Variants in ARHGAP32 observed in about 807,000 individuals in gnomAD.
The protein encoded by ARHGAP32 is rho GTPase-activating protein 32.
A neutral mutation model predicts 186.5 loss-of-function variants in ARHGAP32; 51 were observed. The ratio of observed to expected loss-of-function variants is 0.27; its 90% CI spans 0.22 to 0.35. The LOEUF (loss-of-function observed/expected upper bound fraction) is 0.35, where lower values mean the gene tolerates loss of function less well. Ranked by LOEUF, ARHGAP32 falls within the 10% of genes least tolerant of loss-of-function variation. The probability of loss-of-function intolerance (pLI) is 1.00; values close to 1 mark genes in which losing one functional copy is unlikely to be tolerated. For missense variants in ARHGAP32, 2,186 were observed against 2,623.5 expected (o/e 0.83, Z 3.64); for synonymous variants, 950 against 964.3 (o/e 0.99, Z 0.27).
chr11:129,092,779 T>C (rs1476851326), intron 6 of ARHGAP32, among the ~76,000 whole-genome samples: 1 of 151,976 alleles, frequency 6.6e-6, no homozygotes, highest in Non-Finnish European at 1.5e-5. Flanking sequence ...GGTACATGAT[T>C]AATACTTTTT....
At chr11:129,108,875 T>C (rs1307592544) in intron 5 of ARHGAP32, among the ~76,000 whole-genome samples, 1 of 152,178 alleles carries the variant, frequency 6.6e-6, no homozygotes, top group African/African-American at 2.4e-5. Flanking sequence ...TCAGGGTATT[T>C]GGGGTTTCCA....
chr11:129,187,806 T>C (rs1944192878), intron 1 of ARHGAP32, among the ~76,000 whole-genome samples: 1 of 152,210 alleles, frequency 6.6e-6, no homozygotes. Flanking sequence ...ATACATCTTT[T>C]TTGACATCAT....
rs563418095 is a variant in ARHGAP32 at position 129,249,456 on chromosome 11, C to T, written c.-5+29690G>A. On this transcript the variant is annotated intron_variant, in intron 1 of 6. Coordinates refer to the ARHGAP32 transcript ENST00000525234. ...TATTAATACTGAGATTTTTTTATTA[C>T]CAGTAGATACTTATAAAGACAGATG... Among the ~76,000 whole-genome samples, 58 of 152,142 alleles carry T rather than the reference C, an allele frequency of 3.8e-4. 1 individual carries two copies. In the South Asian group the frequency reaches 0.011, roughly 30 times the overall value.
At chr11:129,069,500 T>G (rs1386038297) in intron 6 of ARHGAP32, among the ~76,000 whole-genome samples, 2 of 152,030 alleles carry the variant, frequency 1.3e-5, no homozygotes, top group Non-Finnish European at 2.9e-5. Context: ...GTTCAACAAC[T>G]CAAAAGACAA....
At chr11:129,188,556 T>C (rs1451323029) in intron 1 of ARHGAP32, among the ~76,000 whole-genome samples, 5 of 152,076 alleles carry the variant, frequency 3.3e-5, no homozygotes, top group Non-Finnish European at 5.9e-5. Flanking sequence ...ACTTGTGGCA[T>C]CCTTCCAAAT....
intron 2 of ARHGAP32, among the ~76,000 whole-genome samples, chr11:129,155,024 G>A (rs1164702746): frequency 6.6e-6 from 1 of 152,122 alleles, no homozygotes; most frequent in Admixed American, 6.5e-5. Flanking sequence ...AAAAAACAAT[G>A]ACTACTGACA....
At chr11:129,179,632 A>C (rs1201652808) in intron 1 of ARHGAP32, among the ~76,000 whole-genome samples, 1 of 152,064 alleles carries the variant, frequency 6.6e-6, no homozygotes, top group Non-Finnish European at 1.5e-5. Context: ...TGATGAGTTC[A>C]TGTCCTTTGT....
intron 5 of ARHGAP32, among the ~76,000 whole-genome samples, chr11:129,107,557 C>T (rs950158574): frequency 2.6e-5 from 4 of 152,080 alleles, no homozygotes; most frequent in Non-Finnish European, 5.9e-5. Flanking sequence ...TTAATGATGG[C>T]GATTGAGCTG....
chr11:129,011,456 T>A (rs1360222207), intron 11 of ARHGAP32, among the ~76,000 whole-genome samples: 1 of 152,128 alleles, frequency 6.6e-6, no homozygotes, highest in African/African-American at 2.4e-5. Context: ...TGAAAGAAAC[T>A]GCATTAAACA....
At chr11:129,019,701 G>A (rs912111559) in intron 11 of ARHGAP32, among the ~76,000 whole-genome samples, 1 of 151,928 alleles carries the variant, frequency 6.6e-6, no homozygotes, top group African/African-American at 2.4e-5. Flanking sequence ...TGTGTGTGTG[G>A]TAAAAACATG....
Position 129,123,799 on chromosome 11 carries a change from T to G in ARHGAP32, c.359+89A>C. 2 of 1,096,934 alleles carry G rather than the reference T, an allele frequency of 1.8e-6. No individual in the cohort carries two copies. The highest frequency in any genetic ancestry group is 2.5e-6 in the Non-Finnish European group (2 of 814,218). 68.0% of individuals were successfully genotyped at this position (1,096,934 alleles called of 1,614,324 possible). Reference sequence around the variant, plus strand: ...CCCGAATCAATGTCCATAGAAAAACTGCTATTTTCGGCAAATGTTATGGAA... The same window carrying G: ...CCCGAATCAATGTCCATAGAAAAACGGCTATTTTCGGCAAATGTTATGGAA... On this transcript the variant is annotated intron_variant, in intron 4 of 22. Coordinates refer to ENST00000682385, the MANE Select transcript of ARHGAP32 (RefSeq NM_001378024.1). This position sits in a 1 kb window ranked among gnomAD's most constrained non-coding sequence, Gnocchi z 4.6.
chr11:129,132,384 G>A (rs1441947295), intron 2 of ARHGAP32, among the ~76,000 whole-genome samples: 2 of 152,072 alleles, frequency 1.3e-5, no homozygotes, highest in Admixed American at 6.6e-5. Flanking sequence ...GTGGGCTGAG[G>A]TGGGAGAATT....
chr11:128,985,844 G>GTA (rs1331337420), intron 15 of ARHGAP32, 159 bp downstream of exon 15: 11 of 123,134 alleles, frequency 8.9e-5, no homozygotes, highest in African/African-American at 4.8e-4. Context: ...GTGTGTGTGT[G>GTA]TGTGTGTGTG....
At chr11:129,265,067 C>G (rs918850621) in intron 1 of ARHGAP32, among the ~76,000 whole-genome samples, 1 of 152,164 alleles carries the variant, frequency 6.6e-6, no homozygotes, top group Admixed American at 6.5e-5. Context: ...AACATAAAAT[C>G]CCTGATTCTC....
chr11:129,232,466 A>G (rs1371419071), intron 1 of ARHGAP32, among the ~76,000 whole-genome samples: 1 of 152,204 alleles, frequency 6.6e-6, no homozygotes, highest in Non-Finnish European at 1.5e-5. Context: ...ATTTCAAGGA[A>G]AACAACTGGC....
chr11:129,049,541 C>T (rs1461468900), intron 10 of ARHGAP32, among the ~76,000 whole-genome samples: 5 of 152,232 alleles, frequency 3.3e-5, no homozygotes, highest in Non-Finnish European at 7.3e-5. Context: ...CCCCTATCCT[C>T]CCATCACTGC....
Position 129,066,760 on chromosome 11 carries a change from G to T in ARHGAP32, c.640C>A (p.Arg214Ser). ...GGACTGTCCTTCAGGGTGTCAGAAC[G>T]GGGAAGTTCTGAGAGCTGGGAAAAT... ...RRFSQLSELP[R>S]SDTLKDSPES... The change falls in exon 7 of 23, where the codon CGT (arginine) becomes AGT (serine). Residue 214 changes from arginine (R) to serine (S), a missense_variant. Coordinates refer to ENST00000682385, the MANE Select transcript of ARHGAP32 (RefSeq NM_001378024.1). 1 of 1,612,288 alleles carries T rather than the reference G, an allele frequency of 6.2e-7. No homozygotes were observed.
intron 9 of ARHGAP32, among the ~76,000 whole-genome samples, chr11:129,063,155 T>C (rs1273305221): frequency 1.3e-5 from 2 of 152,176 alleles, no homozygotes; most frequent in Non-Finnish European, 2.9e-5. Context: ...CTTTTGTATA[T>C]TCACAACTGA....
chr11:129,090,897 ATTT>A (rs1221754590), intron 6 of ARHGAP32, among the ~76,000 whole-genome samples: 1 of 152,148 alleles, frequency 6.6e-6, no homozygotes, highest in African/African-American at 2.4e-5. Context: ...GATTACTAGA[ATTT>A]TTATTAATTT....
Sources: allele counts gnomAD v4.1 joint callset (sites outside exome capture counted in the v4.1 genomes callset), GRCh38; gene constraint gnomAD v4.1.1; non-coding constraint Gnocchi (gnomAD v3.1); transcripts MANE v1.5; gene names NCBI Gene and HGNC (gene_info 2026-07-23, HGNC 2026-07-21).